Variants in NBEA observed in about 807,000 individuals in gnomAD.
NBEA encodes the protein neurobeachin.
A neutral mutation model predicts 343.4 loss-of-function variants in NBEA; 44 were observed. The observed-to-expected ratio is 0.13, with a 90% confidence interval of 0.10 to 0.16. The LOEUF (loss-of-function observed/expected upper bound fraction) is 0.16. Ranked by LOEUF, NBEA falls within the 10% of genes least tolerant of loss-of-function variation. The probability of loss-of-function intolerance (pLI) is 1.00; values close to 1 mark genes in which losing one functional copy is unlikely to be tolerated. For missense variants in NBEA, 2,555 were observed against 3,631.3 expected (o/e 0.70, Z 7.62); for synonymous variants, 1,175 against 1,238.7 (o/e 0.95, Z 1.08).
At chr13:35,470,549 T>C (rs978600634) in intron 40 of NBEA, among the ~76,000 whole-genome samples, 8 of 152,226 alleles carry the variant, frequency 5.3e-5, no homozygotes, top group Admixed American at 1.3e-4. Context: ...TTTGAGGTTT[T>C]TAGCAATGCC....
intron 45 of NBEA, among the ~76,000 whole-genome samples, chr13:35,574,553 T>C (rs981923918): frequency 6.6e-6 from 1 of 151,944 alleles, no homozygotes; most frequent in South Asian, 2.1e-4. Context: ...ATTCCACACC[T>C]CCAAAGTTTT....
chr13:35,183,980 G>T lies in NBEA; in HGVS notation c.4836G>T (p.Val1612=). 2 of 1,608,824 alleles carry T rather than the reference G, an allele frequency of 1.2e-6. No individual in the cohort carries two copies. Among genetic ancestry groups the T allele is most frequent in the South Asian group, 1.1e-5 (1 of 90,722 alleles). ...ATTCCATGATTTTCTCCACAGTTGT[G>T]GTCATACCATCTATCCCTCATCCAA... ...QEINSPTSTV[V]VIPSIPHPSL... Residue 1612 remains valine, a synonymous_variant, in exon 30 of 59, where the codon GTG becomes GTT. Coordinates refer to ENST00000379939, the MANE Select transcript of NBEA (RefSeq NM_001385012.1).
At chr13:34,984,593 A>G (rs983058503) in intron 1 of NBEA, among the ~76,000 whole-genome samples, 1 of 148,778 alleles carries the variant, frequency 6.7e-6, no homozygotes, top group African/African-American at 2.4e-5. Flanking sequence ...AGTCACTGAT[A>G]GCTTGATGGG....
intron 1 of NBEA, among the ~76,000 whole-genome samples, chr13:35,016,406 C>T (rs921645979): frequency 6.6e-6 from 1 of 152,098 alleles, no homozygotes; most frequent in Non-Finnish European, 1.5e-5. Flanking sequence ...GTAATTAATT[C>T]ATCAGCAACT....
chr13:35,306,734 T>C (rs2036918279), intron 35 of NBEA, among the ~76,000 whole-genome samples: 1 of 152,086 alleles, frequency 6.6e-6, no homozygotes, highest in Non-Finnish European at 1.5e-5. Flanking sequence ...TGTATATACG[T>C]GGAGTGTTTT....
intron 36 of NBEA, among the ~76,000 whole-genome samples, chr13:35,341,929 A>G (rs1341129159): frequency 6.6e-6 from 1 of 152,124 alleles, no homozygotes; most frequent in Non-Finnish European, 1.5e-5. Context: ...TCATAATAGC[A>G]TAATTCCTAA....
intron 2 of NBEA, among the ~76,000 whole-genome samples, chr13:35,044,722 C>A (rs2152560504): frequency 6.7e-6 from 1 of 149,836 alleles, no homozygotes; most frequent in Admixed American, 6.7e-5. Flanking sequence ...GGGGGAAAAT[C>A]ATGTAATTCA....
At chr13:35,074,932 T>C (rs2064048124) in intron 10 of NBEA, among the ~76,000 whole-genome samples, 1 of 152,162 alleles carries the variant, frequency 6.6e-6, no homozygotes, top group Non-Finnish European at 1.5e-5. Flanking sequence ...TATCTGGTAC[T>C]TTATTTACTC....
intron 38 of NBEA, among the ~76,000 whole-genome samples, chr13:35,426,324 C>T (rs566823302): frequency 8.5e-5 from 13 of 152,296 alleles, no homozygotes; most frequent in South Asian, 2.1e-4. Flanking sequence ...CCTTCAGGAG[C>T]TCTTTTAGGG....
intron 41 of NBEA, among the ~76,000 whole-genome samples, chr13:35,544,420 T>C (rs2078974180): frequency 6.6e-6 from 1 of 152,136 alleles, no homozygotes; most frequent in Admixed American, 6.5e-5. Flanking sequence ...GAAAAAAAGG[T>C]GAAACTTTTT....
chr13:34,956,851 A>G (rs2059508921), intron 1 of NBEA, among the ~76,000 whole-genome samples: 1 of 152,060 alleles, frequency 6.6e-6, no homozygotes, highest in African/African-American at 2.4e-5. Context: ...TGTGCCCATT[A>G]AATAGTAACT....
chr13:35,632,731 T>C (rs1363144701), intron 49 of NBEA, among the ~76,000 whole-genome samples: 1 of 151,794 alleles, frequency 6.6e-6, no homozygotes, highest in Non-Finnish European at 1.5e-5. Context: ...GTAACTGAGA[T>C]TATAGACACC....
chr13:35,606,521 T>C lies in NBEA; in HGVS notation c.7392T>C (p.Asp2464=). 1.9e-6 allele frequency: 3 copies of C among 1,608,302 alleles called. No individual in the cohort carries two copies. In the South Asian group the frequency reaches 3.3e-5, roughly 18 times the overall value. ...GAGAAGATGAAGTAGTGGTAAATGATGTTGATCTTCCCCCTTGGGCAAAAA... is the reference window on the plus strand; with the variant it reads ...GAGAAGATGAAGTAGTGGTAAATGACGTTGATCTTCCCCCTTGGGCAAAAA... ...GVREDEVVVN[D]VDLPPWAKKP... is the part of the protein sequence containing the mutation. Residue 2464 remains aspartate (D), a synonymous_variant, in exon 48 of 59, where the codon GAT becomes GAC. Transcript: ENST00000379939.
chr13:35,243,020 G>C (rs1031469112), intron 34 of NBEA, among the ~76,000 whole-genome samples: 2 of 151,560 alleles, frequency 1.3e-5, no homozygotes, highest in Admixed American at 1.3e-4. Flanking sequence ...TTATAATTTT[G>C]GTTCTACTAT....
intron 41 of NBEA, among the ~76,000 whole-genome samples, chr13:35,511,803 A>G (rs1044651895): frequency 4.6e-5 from 7 of 152,174 alleles, no homozygotes; most frequent in Non-Finnish European, 1.0e-4. Context: ...TTTGTAATAT[A>G]AGAAGTTAGG....
At chr13:35,147,611 G>A (rs371083906) in intron 18 of NBEA, among the ~76,000 whole-genome samples, 1 of 152,172 alleles carries the variant, frequency 6.6e-6, no homozygotes, top group East Asian at 1.9e-4. Flanking sequence ...GGACTTAAAG[G>A]TGGAGCTGGG....
intron 34 of NBEA, among the ~76,000 whole-genome samples, chr13:35,258,537 C>A (rs1231600636): frequency 3.8e-5 from 4 of 104,494 alleles, no homozygotes; most frequent in Non-Finnish European, 1.0e-4. Flanking sequence ...AATTTACTGG[C>A]CATAAAAAAA....
intron 10 of NBEA, among the ~76,000 whole-genome samples, chr13:35,088,785 C>A (rs2064909683): frequency 6.7e-6 from 1 of 149,522 alleles, no homozygotes; most frequent in African/African-American, 2.5e-5. Flanking sequence ...CTTTGACAAA[C>A]CTGAGAAAAA....
At chr13:35,278,111 T>G (rs56261619) in intron 34 of NBEA, among the ~76,000 whole-genome samples, 5 of 145,930 alleles carry the variant, frequency 3.4e-5, no homozygotes, top group African/African-American at 1.3e-4. Flanking sequence ...ATATATAAAA[T>G]ATATATATAT....
Sources: gnomAD v4.1 joint callset for allele counts (sites outside exome capture counted in the v4.1 genomes callset) on GRCh38, gnomAD v4.1.1 for gene constraint, MANE v1.5 for transcripts, NCBI Gene and HGNC (gene_info 2026-07-23, HGNC 2026-07-21) for gene names.